Variants in ATG16L2 observed in about 807,000 individuals in gnomAD.
The protein encoded by ATG16L2 is protein Atg16l2.
A neutral mutation model predicts 84.7 loss-of-function variants in ATG16L2; 77 were observed. That is an observed-to-expected ratio of 0.91 (90% CI 0.76 to 1.10). The LOEUF is 1.10. ATG16L2 is among the 50% of genes least tolerant of loss of function. The pLI is 0.00. For missense variants in ATG16L2, 782 were observed against 817.6 expected, an observed-to-expected ratio of 0.96 and a Z score of 0.53; for synonymous variants, 361 against 342.8, an observed-to-expected ratio of 1.05 and a Z score of -0.59.
At chr11:72,840,325 TA>T (rs1040402395) in intron 5 of ATG16L2, among the ~76,000 whole-genome samples, 4 of 152,186 alleles carry the variant, frequency 2.6e-5, no homozygotes, top group African/African-American at 7.2e-5. Flanking sequence ...CAAAAGCTAA[TA>T]GGGGTCAAGG....
chr11:72,824,268 C>T, intron 8 of ATG16L2, 146 bp downstream of exon 8: 1 of 953,166 alleles, frequency 1.0e-6, no homozygotes, highest in Non-Finnish European at 1.6e-6. Context: ...AGACAGGAGC[C>T]AGGTGAATGG....
Position 72,822,461 on chromosome 11 carries a change from G to A in ATG16L2, c.645-17G>A, listed in dbSNP as rs775212385. The A allele has an allele frequency of 6.2e-7, 1 of 1,613,002 alleles. No homozygotes were observed. The highest frequency in any genetic ancestry group is 8.5e-7 in the Non-Finnish European group (1 of 1,179,540). On this transcript the variant is annotated splice_polypyrimidine_tract_variant and intron_variant, in intron 5 of 17. Coordinates refer to ENST00000321297, the MANE Select transcript of ATG16L2 (RefSeq NM_033388.2). This position sits in a 1 kb window ranked among gnomAD's most constrained non-coding sequence, Gnocchi z 4.2. Reference sequence around the variant, plus strand: ...AGGCGCCGCGCCAGGGTCTCAGGATGCTTTTTACCCAACAAGGGCCAAGCA... The same window carrying A: ...AGGCGCCGCGCCAGGGTCTCAGGATACTTTTTACCCAACAAGGGCCAAGCA...
chr11:72,823,812 G>A (rs1252363549), intron 7 of ATG16L2: 2 of 626,332 alleles, frequency 3.2e-6, no homozygotes, highest in Admixed American at 2.1e-5. Context: ...GTACTAGTAG[G>A]GTAAGGCAGT....
At chr11:72,843,319 T>G (rs763139458) in exon 6 of ATG16L2, 1 of 1,613,454 alleles carries the variant, frequency 6.2e-7, no homozygotes, top group Non-Finnish European at 8.5e-7. Flanking sequence ...TGGCCAACTT[T>G]ATTTCGAGCC....
chr11:72,828,826 CTG>C, intron 16 of ATG16L2, 50 bp downstream of exon 16: 1 of 1,613,944 alleles, frequency 6.2e-7, no homozygotes, highest in Non-Finnish European at 8.5e-7. Flanking sequence ...CTGCCGGACC[CTG>C]TGTGTGCCCT....
chr11:72,823,594 G>C (rs766890535), intron 7 of ATG16L2: 1 of 427,668 alleles, frequency 2.3e-6, no homozygotes, highest in Admixed American at 2.7e-5. Flanking sequence ...TGAAGAAACC[G>C]TGGGGAGGGG....
In ATG16L2 at chr11:72,826,735, A is replaced by C. The variant is rs767535622; in HGVS notation, c.1278A>C (p.Thr426=). ...TGTCTGGACACAAGGATAAGGTGAC[A>C]GCTGCCAAATTCAAGCTAACGAGGC... ...ETLSGHKDKV[T]AAKFKLTRHQ... is the part of the protein sequence containing the mutation. The change falls in exon 13 of 18, where the codon ACA becomes ACC. Residue 426 remains threonine, a synonymous_variant. Transcript: ENST00000321297. 3.7e-6 allele frequency: 6 copies of C among 1,614,018 alleles called. No homozygotes were observed. The highest frequency in any genetic ancestry group is 5.1e-6 in the Non-Finnish European group (6 of 1,180,020).
chr11:72,822,918 C>A lies in ATG16L2; in HGVS notation c.781C>A (p.Pro261Thr). The change falls in exon 7 of 18, where the codon CCC becomes ACC. Residue 261 changes from proline to threonine, a missense_variant. Pro to Thr is a conservative substitution (Grantham distance 38). Transcript: ENST00000321297. The surrounding 1 kb of genome is among the most constrained non-coding windows in gnomAD (Gnocchi z 4.2). ...ETLALAPEPE[P>T]LEKEACEKWK... ...TCTGGCTCTGGCCCCTGAGCCAGAG[C>A]CCCTGGAGAAGGAAGCTTGTGAGAA... 6.3e-7 allele frequency: 1 copy of A among 1,579,288 alleles called. No homozygotes were observed. Among genetic ancestry groups the A allele is most frequent in the South Asian group, 1.2e-5 (1 of 86,294 alleles).
At chr11:72,839,288 G>T (rs1339609807) in intron 5 of ATG16L2, among the ~76,000 whole-genome samples, 1 of 152,182 alleles carries the variant, frequency 6.6e-6, no homozygotes, top group Non-Finnish European at 1.5e-5. Context: ...GTTAAACCAT[G>T]TTTAAACATC....
chr11:72,832,812 C>T (rs1860635922), downstream of ATG16L2, among the ~76,000 whole-genome samples: 1 of 152,234 alleles, frequency 6.6e-6, no homozygotes, highest in African/African-American at 2.4e-5. Context: ...TGCAAAGGGG[C>T]TGGCCAGGGC....
chr11:72,831,549 C>T (rs1023422127), downstream of ATG16L2, among the ~76,000 whole-genome samples: 14 of 152,208 alleles, frequency 9.2e-5, no homozygotes, highest in South Asian at 2.1e-4. Context: ...GCCAGTCTAA[C>T]GGTCTAAGAG....
chr11:72,843,274 G>T, exon 6 of ATG16L2: 1 of 1,614,000 alleles, frequency 6.2e-7, no homozygotes, highest in South Asian at 1.1e-5. Context: ...TTCGAGGTGG[G>T]AAACTGTAGG....
chr11:72,824,210 C>T (rs1860195910), intron 8 of ATG16L2, 88 bp downstream of exon 8: 2 of 1,509,306 alleles, frequency 1.3e-6, no homozygotes, highest in Admixed American at 1.7e-5. Flanking sequence ...TCGACCTGTC[C>T]ATCCCTGTGA....
At chr11:72,823,617 G>A (rs1370663306) in intron 7 of ATG16L2, 3 of 428,186 alleles carry the variant, frequency 7.0e-6, no homozygotes, top group Non-Finnish European at 1.4e-5. Flanking sequence ...TGAGATGCCA[G>A]TCCCCAAAGT....
At position 72,829,427 on chromosome 11, in the gene ATG16L2, C is replaced by G. The variant is rs750512820; in HGVS notation, c.*37C>G. 4 of 1,596,276 alleles carry G rather than the reference C, an allele frequency of 2.5e-6. No homozygotes were observed. The highest frequency in any genetic ancestry group is 2.2e-5 in the South Asian group (2 of 90,206). On this transcript the variant is annotated 3_prime_UTR_variant, in exon 18 of 18. Coordinates refer to ENST00000321297, the MANE Select transcript of ATG16L2 (RefSeq NM_033388.2). ...GCCTGCCTGGGCTGGAGCTCTTGCCCGAAGCCTGAAGCTTCCTTCGGCGCC... is the reference window on the plus strand; with the variant it reads ...GCCTGCCTGGGCTGGAGCTCTTGCCGGAAGCCTGAAGCTTCCTTCGGCGCC...
intron 7 of ATG16L2, chr11:72,823,795 T>C (rs1442643578): frequency 3.4e-6 from 2 of 586,744 alleles, no homozygotes; most frequent in African/African-American, 1.8e-5. Context: ...GGAACTTTTG[T>C]TGGTGGGTAC....
Position 72,824,796 on chromosome 11 carries a change from C to CTG in ATG16L2, c.959_960dup (p.Ala321TrpfsTer40). 6.2e-7 allele frequency: 1 copy of CTG among 1,609,912 alleles called. No individual in the cohort carries two copies. Among genetic ancestry groups the CTG allele is most frequent in the Non-Finnish European group, 8.5e-7 (1 of 1,178,088 alleles). ...CCTGAGCAGCGATACCAGATCATCC[C>CTG]TGTGTGTGTGGCTGCCCGACTTCCT... On this transcript the variant is annotated frameshift_variant, in exon 9 of 18. Transcript: ENST00000321297. LOFTEE classifies it high-confidence loss of function.
In ATG16L2 at chr11:72,843,521, T is replaced by C. The variant is rs765782454; in HGVS notation, c.*926T>C. ...CATGTTCCTCAATGGTCAACTCATCTGGTTGAGAAGCCTGCAGTGTAGGAT... is the reference window on the plus strand; with the variant it reads ...CATGTTCCTCAATGGTCAACTCATCCGGTTGAGAAGCCTGCAGTGTAGGAT... On this transcript the variant is annotated 3_prime_UTR_variant, in exon 6 of 6. Coordinates refer to the ATG16L2 transcript ENST00000534905. 1.6e-5 allele frequency: 25 copies of C among 1,612,896 alleles called. No individual in the cohort carries two copies. The Admixed American group carries it at 2.7e-4, about 17-fold the overall frequency.
downstream of ATG16L2, chr11:72,829,763 C>A: frequency 1.2e-5 from 5 of 429,008 alleles, no homozygotes; most frequent in East Asian, 1.3e-4. Context: ...GAGTCTCTGC[C>A]TGCAGAGACA....
Sources: allele counts gnomAD v4.1 joint callset (sites outside exome capture counted in the v4.1 genomes callset), GRCh38; gene constraint gnomAD v4.1.1; non-coding constraint Gnocchi (gnomAD v3.1); transcripts MANE v1.5; gene names NCBI Gene and HGNC (gene_info 2026-07-23, HGNC 2026-07-21).